ZNF44: variants seen among roughly 807,000 people sequenced by gnomAD.
ZNF44 encodes zinc finger protein 44, also known as gonadotropin inducible transcription repressor-2.
Under a neutral mutation model 11.7 loss-of-function variants are expected in ZNF44, and 9 were observed. That is an observed-to-expected ratio of 0.77 (90% CI 0.46 to 1.35). ZNF44 has a LOEUF of 1.35. ZNF44 is among the 40% of genes most tolerant of loss of function. The pLI, the probability that ZNF44 is intolerant of heterozygous loss-of-function variation, is 0.00. For missense variants in ZNF44, 696 were observed against 743.1 expected (o/e 0.94, Z 0.74); for synonymous variants, 224 against 242.7 (o/e 0.92, Z 0.72).
Position 12,273,198 on chromosome 19 carries a change from G to A in ZNF44, c.1057C>T (p.Arg353Ter), listed in dbSNP as rs762646432. 2.7e-5 allele frequency: 43 copies of A among 1,613,744 alleles called. No homozygotes were observed. The highest frequency in any genetic ancestry group is 2.3e-4 in the South Asian group (21 of 91,044). The change falls in exon 4 of 4, where the codon CGA becomes TGA. Residue 353 changes from arginine (R) to a stop codon, truncating the protein, a stop_gained. Coordinates refer to ENST00000355684, the MANE Select transcript of ZNF44 (RefSeq NM_016264.4). LOFTEE classifies it low-confidence loss of function (END_TRUNC). The stretch of plus-strand genomic sequence containing the variant: ...AGAGTGTGAGTTCCTTCATGAATTC[G>A]TGCTGAACCAGGAAAATCAAAGCCT... Reference protein sequence around the residue: ...GKGFDFPGSARIHEGTHTLEK... With the variant: ...GKGFDFPGSA
chr19:12,249,064 C>T (rs947347900), intron 7 of ZNF44, among the ~76,000 whole-genome samples: 13 of 151,994 alleles, frequency 8.6e-5, no homozygotes, highest in Non-Finnish European at 1.5e-4. Flanking sequence ...AGGCACCTGC[C>T]ATTGCGCCCG....
At chr19:12,278,126 C>T (rs1285915307) in intron 1 of ZNF44, among the ~76,000 whole-genome samples, 3 of 152,232 alleles carry the variant, frequency 2.0e-5, no homozygotes, top group South Asian at 2.1e-4. Flanking sequence ...GTTGGTTTAC[C>T]GGAATGAGGG....
intron 1 of ZNF44, among the ~76,000 whole-genome samples, chr19:12,277,527 C>G (rs1048972220): frequency 6.6e-6 from 1 of 151,890 alleles, no homozygotes; most frequent in Non-Finnish European, 1.5e-5. Context: ...TAAAAAAAAC[C>G]TTCTCATCAA....
chr19:12,274,266 C>CTTTTT (rs869093549), intron 3 of ZNF44, among the ~76,000 whole-genome samples: 98 of 90,212 alleles, frequency 1.1e-3, no homozygotes, highest in Middle Eastern at 9.3e-3. Flanking sequence ...ATTCTTAATT[C>CTTTTT]TTTTTTTTTT....
intron 5 of ZNF44, among the ~76,000 whole-genome samples, chr19:12,253,482 A>T (rs1349002228): frequency 1.3e-5 from 2 of 151,812 alleles, no homozygotes; most frequent in Non-Finnish European, 2.9e-5. Flanking sequence ...GAGCCACTGT[A>T]CCCGCCCAAG....
chr19:12,250,706 A>G (rs1916956473), intron 5 of ZNF44: 2 of 449,262 alleles, frequency 4.5e-6, no homozygotes, highest in South Asian at 1.6e-5. Context: ...TATACATCAC[A>G]TCACTCAACA....
intron 2 of ZNF44, among the ~76,000 whole-genome samples, chr19:12,231,199 T>G (rs1337419568): frequency 6.6e-6 from 1 of 152,158 alleles, no homozygotes; most frequent in African/African-American, 2.4e-5. Context: ...TACCCATTAC[T>G]GAGGTTATGT....
chr19:12,247,597 T>G, downstream of ZNF44: 1 of 1,333,878 alleles, frequency 7.5e-7, no homozygotes, highest in Non-Finnish European at 9.9e-7. Context: ...TTCCCACATT[T>G]TTTACATTCA....
intron 5 of ZNF44, chr19:12,260,499 G>T (rs958547277): frequency 2.3e-6 from 3 of 1,282,994 alleles, no homozygotes; most frequent in Non-Finnish European, 3.3e-6. Flanking sequence ...GCCTGTGATG[G>T]TGAAGCGGAA....
chr19:12,282,165 T>G (rs996743588), intron 1 of ZNF44, among the ~76,000 whole-genome samples: 1 of 152,138 alleles, frequency 6.6e-6, no homozygotes, highest in Non-Finnish European at 1.5e-5. Flanking sequence ...CTGCTTGATA[T>G]TGGACTTTCA....
chr19:12,290,929 C>A (rs1398010480), intron 1 of ZNF44: 1 of 187,334 alleles, frequency 5.3e-6, no homozygotes. Flanking sequence ...CCCTTTCATG[C>A]CTTACGTGGA....
chr19:12,274,129 A>G, intron 3 of ZNF44, 66 bp from the exon 4 acceptor site: 1 of 1,400,364 alleles, frequency 7.1e-7, no homozygotes. Flanking sequence ...AACAGGTATT[A>G]GATTTACATT....
intron 1 of ZNF44, among the ~76,000 whole-genome samples, chr19:12,292,875 T>TTG (rs1968074875): frequency 6.8e-6 from 1 of 147,974 alleles, no homozygotes; most frequent in South Asian, 2.2e-4. Context: ...TTTTTTTTTT[T>TTG]TTTTTGAGAC....
In ZNF44 at chr19:12,282,762, G is replaced by A. The variant is rs897798495; in HGVS notation, c.4-6680C>T. On this transcript the variant is annotated intron_variant, in intron 1 of 3. Transcript: ENST00000355684. The stretch of plus-strand genomic sequence containing the variant: ...TAAATGGCTTACATTCTGTCTGTGA[G>A]TAAAGGATCTTATCATGAGTCCCTC... Among the ~76,000 whole-genome samples the A allele has an allele frequency of 2.0e-5, 3 of 152,092 alleles. No homozygotes were observed. The South Asian group carries it at 6.2e-4, about 32-fold the overall frequency.
Position 12,272,792 on chromosome 19 carries a change from A to C in ZNF44, c.1463T>G (p.Phe488Cys). 6.2e-7 allele frequency: 1 copy of C among 1,613,858 alleles called. No homozygotes were observed. The change falls in exon 4 of 4, where the codon TTT becomes TGT. Residue 488 changes from phenylalanine (F) to cysteine (C), a missense_variant. Transcript: ENST00000355684. Reference protein sequence around the residue: ...CKECGKAFSSFKYFCRHERTH... With the variant: ...CKECGKAFSSCKYFCRHERTH... Reference sequence around the variant, plus strand: ...CCTTTCATGGCGACAAAAGTATTTAAAAGAACTAAATGCTTTCCCACACTC... The same window carrying C: ...CCTTTCATGGCGACAAAAGTATTTACAAGAACTAAATGCTTTCCCACACTC...
At chr19:12,285,910 T>A (rs1465599889) in intron 1 of ZNF44, among the ~76,000 whole-genome samples, 1 of 151,798 alleles carries the variant, frequency 6.6e-6, no homozygotes, top group African/African-American at 2.4e-5. Context: ...TCCCAGCTAC[T>A]CAGGAGGCTG....
At position 12,273,852 on chromosome 19, in the gene ZNF44, C is replaced by A; in HGVS notation, c.403G>T (p.Glu135Ter). 1 of 1,614,178 alleles carries A rather than the reference C, an allele frequency of 6.2e-7. No individual in the cohort carries two copies. The highest frequency in any genetic ancestry group is 1.1e-5 in the South Asian group (1 of 91,072). ...DTGHKHRECH[E>*]YAEKSYTHKQ... The stretch of plus-strand genomic sequence containing the variant: ...TGTGTATATGACTTCTCTGCATATT[C>A]ATGACACTCCCGGTGTTTGTGTCCA... Residue 135 changes from glutamate (E) to a stop codon, truncating the protein, a stop_gained, in exon 4 of 4, where the codon GAA becomes TAA. Coordinates refer to ENST00000355684, the MANE Select transcript of ZNF44 (RefSeq NM_016264.4). LOFTEE classifies it low-confidence loss of function (END_TRUNC).
rs775915217 is a variant in ZNF44, at chr19:12,272,717, A to G, written c.1538T>C (p.Phe513Ser). The change falls in exon 4 of 4, where the codon TTC (phenylalanine) becomes TCC (serine). Residue 513 changes from phenylalanine (F) to serine (S), a missense_variant. Phe to Ser is a radical substitution (Grantham distance 155). Coordinates refer to ENST00000355684, the MANE Select transcript of ZNF44 (RefSeq NM_016264.4). ...SYECQICGKA[F>S]SRFSYLKTHE... ...AGTTTTTAAGTAACTGAAACGACTG[A>G]AGGCTTTGCCACAAATTTGACACTC... The G allele has an allele frequency of 6.2e-7, 1 of 1,613,714 alleles. No homozygotes were observed. Among genetic ancestry groups the G allele is most frequent in the Non-Finnish European group, 8.5e-7 (1 of 1,179,644 alleles).
chr19:12,262,200 C>T (rs975385073), intron 5 of ZNF44, among the ~76,000 whole-genome samples: 2 of 152,126 alleles, frequency 1.3e-5, no homozygotes, highest in Admixed American at 6.5e-5. Flanking sequence ...GAGTAGTTTC[C>T]ATCGTATCAT....
Sources: allele counts gnomAD v4.1 joint callset (sites outside exome capture counted in the v4.1 genomes callset), GRCh38; gene constraint gnomAD v4.1.1; transcripts MANE v1.5; gene names NCBI Gene and HGNC (gene_info 2026-07-23, HGNC 2026-07-21).